The following SRGAP3 variants were observed in gnomAD, a reference collection of about 807,000 sequenced individuals.
SRGAP3 encodes SLIT-ROBO Rho GTPase activating protein 3, also known as SLIT-ROBO Rho GTPase-activating protein 3.
A neutral mutation model predicts 121.1 loss-of-function variants in SRGAP3; 39 were observed. The observed-to-expected ratio is 0.32, with a 90% confidence interval of 0.25 to 0.42. The LOEUF is 0.42. Ranked by LOEUF, SRGAP3 falls within the 10% of genes least tolerant of loss-of-function variation. SRGAP3 has a pLI of 1.00. For synonymous variants in SRGAP3, 601 were observed against 570.0 expected (o/e 1.05, Z -0.77); for missense variants, 1,213 against 1,470.6 (o/e 0.82, Z 2.86).
intron 12 of SRGAP3, among the ~76,000 whole-genome samples, chr3:9,032,446 C>A (rs542976865): frequency 1.3e-5 from 2 of 152,170 alleles, no homozygotes; most frequent in Non-Finnish European, 2.9e-5. Context: ...CTGAGAATTG[C>A]GCAGGGCACT....
intron 11 of SRGAP3, chr3:9,037,787 C>G: frequency 3.6e-6 from 2 of 553,486 alleles, no homozygotes. Flanking sequence ...CTGTCTCACC[C>G]GATGGCCAGC....
intron 1 of SRGAP3, among the ~76,000 whole-genome samples, chr3:9,187,039 T>C (rs899076494): frequency 1.3e-5 from 2 of 152,130 alleles, no homozygotes; most frequent in Admixed American, 1.3e-4. Flanking sequence ...GGTATACACG[T>C]GCCATGATGC....
Position 9,248,980 on chromosome 3 carries a change from G to A in SRGAP3, c.-29C>T. On this transcript the variant is annotated 5_prime_UTR_variant, in exon 1 of 22. Transcript: ENST00000383836. ...CTGACGTGGCCAAAGGAACTGACAGGCTGTTTGATTTATTTCTCCTTTTCT... is the reference window on the plus strand; with the variant it reads ...CTGACGTGGCCAAAGGAACTGACAGACTGTTTGATTTATTTCTCCTTTTCT... The A allele has an allele frequency of 6.2e-7, 1 of 1,607,966 alleles. No individual in the cohort carries two copies. The highest frequency in any genetic ancestry group is 8.5e-7 in the Non-Finnish European group (1 of 1,174,422).
At chr3:9,352,940 G>A in intron 1 of SRGAP3, among the ~76,000 whole-genome samples, 1 of 152,216 alleles carries the variant, frequency 6.6e-6, no homozygotes, top group East Asian at 1.9e-4. Flanking sequence ...GGTTTACCAT[G>A]AATCAAGCAG....
At position 9,275,632 on chromosome 3, in the gene SRGAP3, T is replaced by C. The variant is rs1268386002; in HGVS notation, n.442+50378A>G. On this transcript the variant is annotated intron_variant and non_coding_transcript_variant, in intron 3 of 3. Coordinates refer to the SRGAP3 transcript ENST00000490889. ...AGTAAATAAGGCTCACGACATGTGA[T>C]GGTTTTATAAGGGGTTTCTTTCCCC... Among the ~76,000 whole-genome samples the C allele has an allele frequency of 2.6e-5, 4 of 152,158 alleles. No individual in the cohort carries two copies. In the East Asian group the frequency reaches 7.7e-4, roughly 29 times the overall value.
chr3:9,225,173 C>T (rs1035053409), intron 1 of SRGAP3, among the ~76,000 whole-genome samples: 2 of 152,142 alleles, frequency 1.3e-5, no homozygotes, highest in African/African-American at 4.8e-5. Context: ...TTGGAGAGAA[C>T]AGTGCTTCAC....
At chr3:9,281,839 G>A (rs7610803) in intron 3 of SRGAP3, among the ~76,000 whole-genome samples, 32,140 of 151,826 alleles carry the variant, frequency 0.21, 3,698 homozygotes, top group African/African-American at 0.29. Context: ...CGCCTGGCTA[G>A]TTTTTGTATT....
At chr3:9,016,496 C>T (rs1403179348) in intron 14 of SRGAP3, among the ~76,000 whole-genome samples, 1 of 152,194 alleles carries the variant, frequency 6.6e-6, no homozygotes, top group Admixed American at 6.5e-5. Context: ...CACCTTAATG[C>T]ATCCCATTAG....
At chr3:9,301,828 A>G (rs1955061921) in intron 3 of SRGAP3, among the ~76,000 whole-genome samples, 1 of 152,238 alleles carries the variant, frequency 6.6e-6, no homozygotes, top group Admixed American at 6.5e-5. Flanking sequence ...AATAGTACCT[A>G]CTTCACAGGG....
At chr3:9,044,870 T>G (rs1945182981) in intron 10 of SRGAP3, among the ~76,000 whole-genome samples, 1 of 152,206 alleles carries the variant, frequency 6.6e-6, no homozygotes. Context: ...AATTGATCAA[T>G]TTATCAATTA....
chr3:9,048,094 C>T (rs1019417325), intron 9 of SRGAP3, among the ~76,000 whole-genome samples: 4 of 152,230 alleles, frequency 2.6e-5, no homozygotes, highest in South Asian at 2.1e-4. Context: ...CAAGGTCCCA[C>T]GGAAAGTCAG....
intron 4 of SRGAP3, among the ~76,000 whole-genome samples, chr3:9,067,456 T>G (rs1216424154): frequency 2.0e-5 from 3 of 152,062 alleles, no homozygotes; most frequent in African/African-American, 7.2e-5. Context: ...CTTGCTGATT[T>G]CATCCTCTGT....
chr3:9,250,158 A>G (rs1953972476), upstream of SRGAP3, among the ~76,000 whole-genome samples: 1 of 152,232 alleles, frequency 6.6e-6, no homozygotes, highest in African/African-American at 2.4e-5. Context: ...GGGCAAATTC[A>G]TAAGTCAGAC....
chr3:9,052,688 T>C (rs1433261000), intron 9 of SRGAP3, among the ~76,000 whole-genome samples: 3 of 152,230 alleles, frequency 2.0e-5, no homozygotes, highest in South Asian at 2.1e-4. Context: ...TGATAATCTA[T>C]ATACATAATT....
At position 9,157,115 on chromosome 3, in the gene SRGAP3, G is replaced by A. The variant is rs1950445377; in HGVS notation, c.68-32198C>T. ...CCGCTAAAAAGAACAACCTGAGACT[G>A]GGTAATTTATAAAGAAAATTTATAA... On this transcript the variant is annotated intron_variant, in intron 1 of 21. Transcript: ENST00000383836. Among the ~76,000 whole-genome samples the A allele has an allele frequency of 2.6e-5, 4 of 152,158 alleles. No homozygotes were observed. In the South Asian group the frequency reaches 8.3e-4, roughly 32 times the overall value.
At chr3:9,300,614 T>C (rs1955039618) in intron 3 of SRGAP3, among the ~76,000 whole-genome samples, 1 of 152,140 alleles carries the variant, frequency 6.6e-6, no homozygotes, top group African/African-American at 2.4e-5. Flanking sequence ...GCTCTTAAGA[T>C]GTGTTCCAGG....
At chr3:9,306,866 A>G (rs1219625664) in intron 3 of SRGAP3, among the ~76,000 whole-genome samples, 1 of 152,244 alleles carries the variant, frequency 6.6e-6, no homozygotes, top group Non-Finnish European at 1.5e-5. Flanking sequence ...TTTTTAACTT[A>G]GAGACTTAAG....
intron 3 of SRGAP3, among the ~76,000 whole-genome samples, chr3:9,304,529 G>A (rs1955124587): frequency 6.6e-6 from 1 of 152,286 alleles, no homozygotes; most frequent in African/African-American, 2.4e-5. Context: ...TGGTGGGTAG[G>A]TAGTAAATGG....
intron 3 of SRGAP3, among the ~76,000 whole-genome samples, chr3:9,278,838 A>G (rs1048760610): frequency 2.0e-5 from 3 of 152,336 alleles, no homozygotes. Context: ...TGACTCAGGT[A>G]TCTGGACTAT....
Sources: allele counts gnomAD v4.1 joint callset (sites outside exome capture counted in the v4.1 genomes callset), GRCh38; gene constraint gnomAD v4.1.1; transcripts MANE v1.5; gene names NCBI Gene and HGNC (gene_info 2026-07-23, HGNC 2026-07-21).